The following SYCP1 variants were observed in gnomAD, a reference collection of about 807,000 sequenced individuals.
SYCP1 encodes the protein cancer/testis antigen 8.
Under a neutral mutation model 153.1 loss-of-function variants are expected in SYCP1, and 64 were observed. That is an observed-to-expected ratio of 0.42 (90% CI 0.34 to 0.51). The LOEUF (loss-of-function observed/expected upper bound fraction) is 0.51, where lower values mean the gene tolerates loss of function less well. SYCP1 is among the 20% of genes least tolerant of loss of function. SYCP1 has a pLI of 0.06. For synonymous variants in SYCP1, 384 were observed against 341.8 expected (o/e 1.12, Z -1.36); for missense variants, 997 against 1,049.0 (o/e 0.95, Z 0.68).
chr1:114,928,229 T>A (rs1481073902), intron 23 of SYCP1, among the ~76,000 whole-genome samples: 2 of 152,054 alleles, frequency 1.3e-5, no homozygotes, highest in African/African-American at 4.8e-5. Flanking sequence ...CACAAAACCA[T>A]ATGTAGGCAG....
chr1:114,876,075 A>G lies in SYCP1; in HGVS notation c.664A>G (p.Ile222Val). The G allele has an allele frequency of 6.4e-7, 1 of 1,566,690 alleles. No homozygotes were observed. Among genetic ancestry groups the G allele is most frequent in the Non-Finnish European group, 8.7e-7 (1 of 1,154,962 alleles). ...MDLNNNIEKM[I>V]TAFEELRVQA... is the part of the protein sequence containing the mutation. Reference sequence around the variant, plus strand: ...TTAAAACTTTATATTTCAGAAAATGATAACAGCTTTTGAGGAACTTCGTGT... The same window carrying G: ...TTAAAACTTTATATTTCAGAAAATGGTAACAGCTTTTGAGGAACTTCGTGT... Residue 222 changes from isoleucine to valine, a missense_variant, in exon 10 of 32, where the codon ATA becomes GTA. Transcript: ENST00000369522.
chr1:114,963,616 A>T (rs920464487), intron 27 of SYCP1, among the ~76,000 whole-genome samples: 33 of 152,060 alleles, frequency 2.2e-4, no homozygotes, highest in Non-Finnish European at 2.2e-4. Context: ...AAGTGAGAAC[A>T]TGTGGTGTTT....
At chr1:114,962,637 T>C (rs759683807) in intron 27 of SYCP1, among the ~76,000 whole-genome samples, 38 of 152,232 alleles carry the variant, frequency 2.5e-4, no homozygotes, top group Non-Finnish European at 5.0e-4. Context: ...CTGTATCTTT[T>C]AAGTGGAGCA....
At position 114,944,487 on chromosome 1, in the gene SYCP1, T is replaced by C. The variant is rs765220859; in HGVS notation, c.2043+32T>C. 5 of 1,214,250 alleles carry C rather than the reference T, an allele frequency of 4.1e-6. No individual in the cohort carries two copies. The African/African-American group carries it at 6.3e-5, about 15-fold the overall frequency. 75.2% of individuals were successfully genotyped at this position (1,214,250 alleles called of 1,614,324 possible). On this transcript the variant is annotated intron_variant, in intron 24 of 31. Coordinates refer to ENST00000369522, the MANE Select transcript of SYCP1 (RefSeq NM_003176.4). ...AAAACTTAATGTATTAAGAACTTAT[T>C]ATACTAAAAATCTATATTTTTATTA... is the stretch of plus-strand genomic sequence containing the variant.
intron 27 of SYCP1, among the ~76,000 whole-genome samples, chr1:114,976,001 T>A (rs1453360640): frequency 6.6e-6 from 1 of 151,792 alleles, no homozygotes; most frequent in Non-Finnish European, 1.5e-5. Flanking sequence ...TGAAGTAGAC[T>A]CTGATAAAAT....
chr1:114,957,438 A>G (rs990583588), intron 27 of SYCP1, among the ~76,000 whole-genome samples: 1 of 152,252 alleles, frequency 6.6e-6, no homozygotes, highest in Non-Finnish European at 1.5e-5. Context: ...AAAAATGGAT[A>G]AAACAGGATT....
At chr1:114,884,081 A>C (rs1222472915) in intron 12 of SYCP1, among the ~76,000 whole-genome samples, 2 of 152,194 alleles carry the variant, frequency 1.3e-5, no homozygotes, top group Non-Finnish European at 2.9e-5. Flanking sequence ...TAAAAATATA[A>C]ACTTGGCACG....
chr1:114,965,942 G>A (rs1455085451), intron 27 of SYCP1, among the ~76,000 whole-genome samples: 1 of 152,100 alleles, frequency 6.6e-6, no homozygotes, highest in African/African-American at 2.4e-5. Context: ...TTGTACCTCT[G>A]GTAGAATTTG....
At chr1:114,862,341 T>A (rs914839301) in intron 8 of SYCP1, among the ~76,000 whole-genome samples, 1 of 145,416 alleles carries the variant, frequency 6.9e-6, no homozygotes, top group African/African-American at 2.5e-5. Flanking sequence ...GATAGTTCTT[T>A]TTTGTTCTTT....
At chr1:114,926,474 A>T in intron 22 of SYCP1, 27 bp from the exon 23 acceptor site, 1 of 1,527,678 alleles carries the variant, frequency 6.5e-7, no homozygotes, top group Non-Finnish European at 8.8e-7. Context: ...CTTTAGTACT[A>T]AATATAATTA....
chr1:114,952,296 G>T (rs1223350026), intron 27 of SYCP1, among the ~76,000 whole-genome samples: 1 of 152,114 alleles, frequency 6.6e-6, no homozygotes. Context: ...AAATGATCCA[G>T]TTTCTCTGCA....
chr1:114,903,822 C>T (rs992430459), intron 16 of SYCP1, among the ~76,000 whole-genome samples: 7 of 152,120 alleles, frequency 4.6e-5, no homozygotes, highest in African/African-American at 1.7e-4. Context: ...TGTAGGATGA[C>T]ATTACCATTT....
intron 23 of SYCP1, among the ~76,000 whole-genome samples, chr1:114,942,125 A>G (rs1670429226): frequency 6.6e-6 from 1 of 152,082 alleles, no homozygotes; most frequent in Non-Finnish European, 1.5e-5. Flanking sequence ...AGAATATTGG[A>G]CACATAAAAG....
At chr1:114,930,449 C>CTT (rs1453688317) in intron 23 of SYCP1, among the ~76,000 whole-genome samples, 12 of 151,924 alleles carry the variant, frequency 7.9e-5, no homozygotes, top group Non-Finnish European at 1.6e-4. Context: ...AAGTAAAATT[C>CTT]ACTGCAGGCA....
At chr1:114,953,666 C>T (rs749232238) in intron 27 of SYCP1, among the ~76,000 whole-genome samples, 4 of 152,160 alleles carry the variant, frequency 2.6e-5, no homozygotes, top group Non-Finnish European at 5.9e-5. Context: ...ATCTATGTGT[C>T]TCTTCACCAA....
At chr1:114,860,840 A>T in intron 8 of SYCP1, 31 bp downstream of exon 8, 1 of 1,506,038 alleles carries the variant, frequency 6.6e-7, no homozygotes, top group South Asian at 1.3e-5. Context: ...ATGTGATTTT[A>T]TCAATTTATT....
chr1:114,958,141 C>G (rs1163706580), intron 27 of SYCP1, among the ~76,000 whole-genome samples: 1 of 152,146 alleles, frequency 6.6e-6, no homozygotes, highest in Non-Finnish European at 1.5e-5. Context: ...TTTGCAACTA[C>G]ATGGATGGAG....
chr1:114,862,508 C>T (rs188308935), intron 8 of SYCP1, among the ~76,000 whole-genome samples: 4,765 of 152,134 alleles, frequency 0.031, 123 homozygotes, highest in Non-Finnish European at 0.042. Context: ...CACCACCACG[C>T]TGGCTAATTT....
At chr1:114,966,868 A>G (rs761368335) in intron 27 of SYCP1, among the ~76,000 whole-genome samples, 1 of 151,906 alleles carries the variant, frequency 6.6e-6, no homozygotes, top group African/African-American at 2.4e-5. Context: ...TACTTTTTGT[A>G]GAGACAGGGT....
Sources: allele counts gnomAD v4.1 joint callset (sites outside exome capture counted in the v4.1 genomes callset), GRCh38; gene constraint gnomAD v4.1.1; transcripts MANE v1.5; gene names NCBI Gene and HGNC (gene_info 2026-07-23, HGNC 2026-07-21).